GRIK2: variants seen among roughly 807,000 people sequenced by gnomAD.
GRIK2 encodes the protein glutamate ionotropic receptor kainate type subunit 2, also known as glutamate receptor ionotropic, kainate 2.
Under a neutral mutation model 100.3 loss-of-function variants are expected in GRIK2, and 32 were observed. The ratio of observed to expected loss-of-function variants is 0.32; its 90% CI spans 0.24 to 0.43. GRIK2 has a LOEUF of 0.43. GRIK2 is among the 20% of genes least tolerant of loss of function. GRIK2 has a pLI of 1.00. For synonymous variants in GRIK2, 417 were observed against 389.4 expected (o/e 1.07, Z -0.83); for missense variants, 843 against 1,114.9 (o/e 0.76, Z 3.47).
intron 2 of GRIK2, among the ~76,000 whole-genome samples, chr6:101,537,476 G>GTGTT (rs1342851895): frequency 6.6e-6 from 1 of 150,662 alleles, no homozygotes; most frequent in African/African-American, 2.4e-5. Flanking sequence ...GTGTGTGTGT[G>GTGTT]TTTAAGCAAA....
intron 15 of GRIK2, among the ~76,000 whole-genome samples, chr6:102,041,190 C>T (rs1426857919): frequency 1.3e-5 from 2 of 151,488 alleles, no homozygotes; most frequent in African/African-American, 4.8e-5. Flanking sequence ...ATTGTGAGCA[C>T]CACTGTGAAC....
At chr6:101,775,471 G>A (rs1021380596) in intron 7 of GRIK2, among the ~76,000 whole-genome samples, 1 of 151,466 alleles carries the variant, frequency 6.6e-6, no homozygotes, top group African/African-American at 2.4e-5. Context: ...CAGCCCTCAT[G>A]GGTACTCAAT....
chr6:101,972,756 C>G (rs1178335823), intron 14 of GRIK2, among the ~76,000 whole-genome samples: 1 of 151,850 alleles, frequency 6.6e-6, no homozygotes. Flanking sequence ...TTTTATTCTT[C>G]TGCACATGGC....
chr6:101,753,671 A>T (rs1462567643), intron 7 of GRIK2, among the ~76,000 whole-genome samples: 1 of 151,826 alleles, frequency 6.6e-6, no homozygotes, highest in African/African-American at 2.4e-5. Flanking sequence ...TGACAAAAAA[A>T]GAAAAAAAAG....
At chr6:101,438,760 A>G (rs1055684066) in intron 2 of GRIK2, among the ~76,000 whole-genome samples, 1 of 152,150 alleles carries the variant, frequency 6.6e-6, no homozygotes, top group African/African-American at 2.4e-5. Context: ...ATAAGGAACA[A>G]TGTGCTTTAA....
At chr6:101,855,613 G>T (rs958001001) in intron 10 of GRIK2, among the ~76,000 whole-genome samples, 1 of 152,166 alleles carries the variant, frequency 6.6e-6, no homozygotes, top group Admixed American at 6.5e-5. Context: ...CAAGTTTGAA[G>T]ACCAAAATGA....
At chr6:101,922,111 CCTT>C (rs1350532964) in intron 12 of GRIK2, among the ~76,000 whole-genome samples, 275 of 17,148 alleles carry the variant, frequency 0.016, 1 homozygote, top group African/African-American at 0.06. Context: ...TTCCTTCCTT[CCTT>C]CCTTCCTTCC....
chr6:101,680,117 T>C (rs574786110), intron 5 of GRIK2, among the ~76,000 whole-genome samples: 3 of 152,298 alleles, frequency 2.0e-5, no homozygotes, highest in Non-Finnish European at 4.4e-5. Context: ...AGAAGGTCAA[T>C]GAAAGCCAGA....
chr6:101,939,924 A>T (rs1766439663), intron 14 of GRIK2, among the ~76,000 whole-genome samples: 1 of 152,102 alleles, frequency 6.6e-6, no homozygotes, highest in African/African-American at 2.4e-5. Context: ...TTTATGATCT[A>T]CCTGGAAAAT....
rs151157555 is a variant in GRIK2 at position 101,791,434 on chromosome 6, G to A, written c.952-8214G>A. 7.5e-3 allele frequency among the ~76,000 whole-genome samples: 1,136 copies of A among 152,160 alleles called. 7 individuals are homozygous for A. Among genetic ancestry groups the A allele is most frequent in the Non-Finnish European group, 9.8e-3 (665 of 67,982 alleles). On this transcript the variant is annotated intron_variant, in intron 7 of 16. Coordinates refer to ENST00000369134, the MANE Select transcript of GRIK2 (RefSeq NM_021956.5). ...TTTTGTTCTCATTGGTGTCAAAGAAGATCTTTATTTCTGCCTTCATTTCGT... is the reference window on the plus strand; with the variant it reads ...TTTTGTTCTCATTGGTGTCAAAGAAAATCTTTATTTCTGCCTTCATTTCGT...
intron 11 of GRIK2, among the ~76,000 whole-genome samples, chr6:101,873,805 G>A (rs1204166680): frequency 2.6e-5 from 4 of 151,924 alleles, no homozygotes; most frequent in South Asian, 4.2e-4. Context: ...GTGTGAGATG[G>A]TATCTCATTA....
At chr6:101,783,204 C>T (rs949351574) in intron 7 of GRIK2, among the ~76,000 whole-genome samples, 1 of 152,016 alleles carries the variant, frequency 6.6e-6, no homozygotes, top group Non-Finnish European at 1.5e-5. Flanking sequence ...AAGGAGGGAC[C>T]TAGTGGGAGA....
intron 11 of GRIK2, among the ~76,000 whole-genome samples, chr6:101,864,680 A>G (rs1322477397): frequency 1.3e-5 from 2 of 152,262 alleles, no homozygotes; most frequent in Non-Finnish European, 2.9e-5. Flanking sequence ...TGGTTAATGT[A>G]TCCAAAAAGG....
At chr6:101,716,307 G>A (rs1015345671) in intron 7 of GRIK2, among the ~76,000 whole-genome samples, 3 of 151,502 alleles carry the variant, frequency 2.0e-5, no homozygotes, top group Non-Finnish European at 3.0e-5. Flanking sequence ...CTAATGAAGA[G>A]GAAAGGTATA....
chr6:101,406,699 G>A (rs755474798), intron 2 of GRIK2, among the ~76,000 whole-genome samples: 3 of 152,116 alleles, frequency 2.0e-5, no homozygotes, highest in Non-Finnish European at 4.4e-5. Flanking sequence ...GTGGAAGGGA[G>A]GCTGAGAAAA....
chr6:101,466,534 T>G (rs1771653985), intron 2 of GRIK2, among the ~76,000 whole-genome samples: 1 of 152,080 alleles, frequency 6.6e-6, no homozygotes, highest in Non-Finnish European at 1.5e-5. Flanking sequence ...AAAACATATT[T>G]GTTAGCTACT....
chr6:101,722,959 A>T (rs1774593594), intron 7 of GRIK2, among the ~76,000 whole-genome samples: 1 of 152,064 alleles, frequency 6.6e-6, no homozygotes, highest in Admixed American at 6.6e-5. Flanking sequence ...CTTATCAGGG[A>T]TACATCTGCC....
At chr6:101,533,902 T>C (rs2518261) in intron 2 of GRIK2, among the ~76,000 whole-genome samples, 86,414 of 151,794 alleles carry the variant, frequency 0.57, 24,814 homozygotes, top group African/African-American at 0.59. Context: ...TAACATTTCA[T>C]ATTTATTTTG....
chr6:102,006,886 C>CA (rs1795270203), intron 14 of GRIK2, among the ~76,000 whole-genome samples: 2 of 151,796 alleles, frequency 1.3e-5, no homozygotes, highest in South Asian at 2.1e-4. Flanking sequence ...ATACATTTGA[C>CA]AAAAAATAAA....
Sources: gnomAD v4.1 joint callset for allele counts (sites outside exome capture counted in the v4.1 genomes callset) on GRCh38, gnomAD v4.1.1 for gene constraint, MANE v1.5 for transcripts, NCBI Gene and HGNC (gene_info 2026-07-23, HGNC 2026-07-21) for gene names.